RANBP2: variants seen among roughly 807,000 people sequenced by gnomAD.
The protein encoded by RANBP2 is RAN binding protein 2, also known as E3 SUMO-protein ligase RanBP2.
RANBP2 carries 57 observed loss-of-function variants against 303.6 expected under a neutral mutation model. That is an observed-to-expected ratio of 0.19 (90% CI 0.15 to 0.23). RANBP2 has a LOEUF of 0.23. RANBP2 is among the 10% of genes least tolerant of loss of function. The pLI, the probability that RANBP2 is intolerant of heterozygous loss-of-function variation, is 1.00. For synonymous variants in RANBP2, 1,167 were observed against 1,301.5 expected (o/e 0.90, Z 2.23); for missense variants, 3,138 against 3,780.8 (o/e 0.83, Z 4.46).
the RANBP2 span, among the ~76,000 whole-genome samples, chr2:109,472,956 A>T: frequency 6.6e-6 from 1 of 152,270 alleles, no homozygotes; most frequent in East Asian, 1.9e-4. Context: ...TAAATGAATG[A>T]ATGTGGTGCT....
the RANBP2 span, among the ~76,000 whole-genome samples, chr2:109,227,241 G>T: frequency 1.3e-5 from 2 of 152,178 alleles, no homozygotes; most frequent in Non-Finnish European, 2.9e-5. Flanking sequence ...TGAAAGTTGG[G>T]GGAAGGAGCT....
chr2:109,530,416 G>A, the RANBP2 span, among the ~76,000 whole-genome samples: 1 of 152,212 alleles, frequency 6.6e-6, no homozygotes, highest in South Asian at 2.1e-4. Flanking sequence ...CAGAAGTGAG[G>A]ACGGATTTGC....
At chr2:109,455,159 TGTG>T in the RANBP2 span, among the ~76,000 whole-genome samples, 16 of 152,172 alleles carry the variant, frequency 1.1e-4, no homozygotes, top group Non-Finnish European at 4.4e-5. Flanking sequence ...AAGTGCTGAC[TGTG>T]GTGGCCTCCT....
chr2:108,855,685 A>G, the RANBP2 span, among the ~76,000 whole-genome samples: 11 of 152,222 alleles, frequency 7.2e-5, no homozygotes, highest in South Asian at 4.1e-4. Flanking sequence ...CCAGAGGCAC[A>G]GATCTTACTT....
chr2:108,925,121 A>G, the RANBP2 span, among the ~76,000 whole-genome samples: 3 of 150,756 alleles, frequency 2.0e-5, no homozygotes, highest in Non-Finnish European at 3.0e-5. Context: ...CTCCAGGGCA[A>G]GCCTTGTTCA....
chr2:109,244,285 C>T, the RANBP2 span, among the ~76,000 whole-genome samples: 1 of 152,168 alleles, frequency 6.6e-6, no homozygotes, highest in African/African-American at 2.4e-5. Flanking sequence ...CATTATGCAA[C>T]AGCTTCTTCA....
At chr2:108,751,233 C>A in intron 9 of RANBP2, 31 bp from the exon 10 acceptor site, 2 of 1,611,912 alleles carry the variant, frequency 1.2e-6, no homozygotes, top group East Asian at 2.2e-5. Context: ...AAATTTCAAA[C>A]CCTTAAGCCA....
chr2:109,435,610 G>C, the RANBP2 span, among the ~76,000 whole-genome samples: 11 of 152,196 alleles, frequency 7.2e-5, no homozygotes, highest in Admixed American at 7.2e-4. Flanking sequence ...AAGGAAGTAG[G>C]ACTAGCCAAG....
the RANBP2 span, among the ~76,000 whole-genome samples, chr2:108,974,683 T>C: frequency 0.45 from 68,842 of 151,772 alleles, 18,508 homozygotes; most frequent in South Asian, 0.71. Flanking sequence ...TGAGCCGAGA[T>C]AGCGCCACTG....
chr2:109,633,178 A>C, the RANBP2 span, among the ~76,000 whole-genome samples: 1 of 152,138 alleles, frequency 6.6e-6, no homozygotes, highest in South Asian at 2.1e-4. Flanking sequence ...GAATCACCTG[A>C]GGTCAGGAGT....
At chr2:109,399,939 T>G in the RANBP2 span, among the ~76,000 whole-genome samples, 1 of 152,182 alleles carries the variant, frequency 6.6e-6, no homozygotes, top group African/African-American at 2.4e-5. Flanking sequence ...GCTGCAGCCT[T>G]CCACCCAGCG....
chr2:109,436,176 A>ATG, the RANBP2 span, among the ~76,000 whole-genome samples: 1 of 152,208 alleles, frequency 6.6e-6, no homozygotes, highest in African/African-American at 2.4e-5. Flanking sequence ...TCTTGGACAA[A>ATG]TGGAAGACAT....
the RANBP2 span, among the ~76,000 whole-genome samples, chr2:108,988,220 G>A: frequency 1.3e-5 from 2 of 152,190 alleles, no homozygotes; most frequent in East Asian, 1.9e-4. Flanking sequence ...TGGGAACCTC[G>A]CCTGCTGACC....
chr2:109,255,398 G>A, the RANBP2 span, among the ~76,000 whole-genome samples: 1 of 152,170 alleles, frequency 6.6e-6, no homozygotes, highest in Non-Finnish European at 1.5e-5. Context: ...ACCAGGGAAT[G>A]TCTGGGTTGT....
chr2:109,378,381 A>T, the RANBP2 span, among the ~76,000 whole-genome samples: 1 of 151,528 alleles, frequency 6.6e-6, no homozygotes, highest in East Asian at 1.9e-4. Flanking sequence ...CTAGTTCTCA[A>T]CTCCCAGTTG....
At chr2:109,410,517 C>A in the RANBP2 span, among the ~76,000 whole-genome samples, 4 of 152,242 alleles carry the variant, frequency 2.6e-5, no homozygotes, top group African/African-American at 9.6e-5. Flanking sequence ...CCTCTCCTAC[C>A]TGTAGCCCTG....
chr2:109,103,941 C>T, the RANBP2 span, among the ~76,000 whole-genome samples: 7 of 152,044 alleles, frequency 4.6e-5, no homozygotes, highest in Middle Eastern at 0.01. Flanking sequence ...CTACAGGCGC[C>T]CGCCACCACA....
At chr2:108,966,641 G>A in the RANBP2 span, among the ~76,000 whole-genome samples, 1 of 152,212 alleles carries the variant, frequency 6.6e-6, no homozygotes, top group African/African-American at 2.4e-5. Flanking sequence ...ACTGTCTTCA[G>A]GAACACTACT....
the RANBP2 span, among the ~76,000 whole-genome samples, chr2:109,686,415 C>T: frequency 2.0e-5 from 3 of 152,060 alleles, no homozygotes; most frequent in African/African-American, 4.8e-5. Context: ...CCCGGGTTCA[C>T]GCCATTCTCC....
Sources: gnomAD v4.1 joint callset for allele counts (sites outside exome capture counted in the v4.1 genomes callset) on GRCh38, gnomAD v4.1.1 for gene constraint, MANE v1.5 for transcripts, NCBI Gene and HGNC (gene_info 2026-07-23, HGNC 2026-07-21) for gene names.